Variants in SVIL observed in about 807,000 individuals in gnomAD.
SVIL encodes the protein archvillin.
In SVIL, 101 loss-of-function variants were observed where a neutral mutation model predicts 240.4. That is an observed-to-expected ratio of 0.42 (90% confidence interval 0.36 to 0.50). The LOEUF (loss-of-function observed/expected upper bound fraction) is 0.50, where lower values mean the gene tolerates loss of function less well. Ranked by LOEUF, SVIL falls within the 20% of genes least tolerant of loss-of-function variation. The pLI, the probability that SVIL is intolerant of heterozygous loss-of-function variation, is 0.01. For missense variants in SVIL, 2,512 were observed against 2,818.7 expected (o/e 0.89, Z 2.46); for synonymous variants, 999 against 1,100.0 (o/e 0.91, Z 1.82).
chr10:29,623,614 G>A (rs1035737642), intron 1 of SVIL, among the ~76,000 whole-genome samples: 28 of 152,190 alleles, frequency 1.8e-4, no homozygotes, highest in African/African-American at 6.5e-4. Flanking sequence ...ACTTTAGGAG[G>A]CCAAGGCGGG....
intron 1 of SVIL, among the ~76,000 whole-genome samples, chr10:29,724,995 C>T (rs1964207056): frequency 7.0e-6 from 1 of 143,210 alleles, no homozygotes; most frequent in Non-Finnish European, 1.5e-5. Context: ...TGTCACTGCA[C>T]TCCAGCCTGG....
At chr10:29,614,103 CAACAG>C (rs752849219) in intron 1 of SVIL, among the ~76,000 whole-genome samples, 9 of 152,050 alleles carry the variant, frequency 5.9e-5, no homozygotes, top group Non-Finnish European at 1.2e-4. Flanking sequence ...AACTATACCA[CAACAG>C]AACCTTTTAA....
At position 29,523,922 on chromosome 10, in the gene SVIL, G is replaced by C; in HGVS notation, c.2692C>G (p.Pro898Ala). 6.2e-7 allele frequency: 1 copy of C among 1,614,178 alleles called. No homozygotes were observed. The highest frequency in any genetic ancestry group is 1.1e-5 in the South Asian group (1 of 91,086). The change falls in exon 15 of 38, where the codon CCA becomes GCA. Residue 898 changes from proline (P) to alanine (A), a missense_variant. Pro to Ala is a conservative substitution (Grantham distance 27, BLOSUM62 -1). Coordinates refer to ENST00000355867, the MANE Select transcript of SVIL (RefSeq NM_021738.3). ...PMYAGDLRTK[P>A]PLDHNASATD... ...GCACTTGCATTGTGGTCAAGAGGTG[G>C]CTTTGTGCGAAGATCTCCGGCATAC...
rs1266415932 is a variant in SVIL, at chr10:29,481,546, A to G, written c.5100+38T>C. 3 of 1,611,658 alleles carry G rather than the reference A, an allele frequency of 1.9e-6. No homozygotes were observed. The South Asian group carries it at 3.3e-5, about 18-fold the overall frequency. On this transcript the variant is annotated intron_variant, in intron 28 of 37. Coordinates refer to ENST00000355867, the MANE Select transcript of SVIL (RefSeq NM_021738.3). ...GAAGGCCACTTTTATTGGGACCCGAACCAAGCCCCGAGTTTTGAGGCTTGG... is the reference window on the plus strand; with the variant it reads ...GAAGGCCACTTTTATTGGGACCCGAGCCAAGCCCCGAGTTTTGAGGCTTGG...
chr10:29,606,966 G>A (rs553038977), intron 1 of SVIL, among the ~76,000 whole-genome samples: 2 of 152,236 alleles, frequency 1.3e-5, no homozygotes, highest in East Asian at 1.9e-4. Context: ...CGCTGGCCAG[G>A]CTGGCCTCAA....
At chr10:29,613,885 A>C (rs944862274) in intron 1 of SVIL, among the ~76,000 whole-genome samples, 5 of 152,220 alleles carry the variant, frequency 3.3e-5, no homozygotes, top group Non-Finnish European at 7.3e-5. Context: ...ATCACCTTAC[A>C]TATGAATTCC....
At chr10:29,629,339 C>T (rs1251656198) in intron 1 of SVIL, among the ~76,000 whole-genome samples, 1 of 152,112 alleles carries the variant, frequency 6.6e-6, no homozygotes, top group Admixed American at 6.5e-5. Context: ...TGGTTGCTTC[C>T]ATCTCAGGCA....
At chr10:29,587,535 A>G (rs1956219902) in intron 1 of SVIL, among the ~76,000 whole-genome samples, 1 of 152,220 alleles carries the variant, frequency 6.6e-6, no homozygotes, top group Non-Finnish European at 1.5e-5. Flanking sequence ...TTTACATAAT[A>G]ATAGAAACTT....
rs149785601 is a variant in SVIL, at chr10:29,485,968, A to G, written c.4779+117T>C. On this transcript the variant is annotated intron_variant, in intron 26 of 37. Transcript: ENST00000355867. ...TTTAAAAAGCTGTAAATGTTCTACA[A>G]TGGATACCGACACTGGCTAACCTTT... is the stretch of plus-strand genomic sequence containing the variant. 1.5e-3 allele frequency: 1,793 copies of G among 1,178,792 alleles called. 27 individuals are homozygous for G. The African/African-American group carries it at 0.023, about 15-fold the overall frequency. 73.0% of individuals were successfully genotyped at this position (1,178,792 alleles called of 1,614,324 possible). A position where few individuals can be genotyped will look rare whatever the true frequency, so the allele number is the denominator to read the frequency against.
At chr10:29,668,790 T>G (rs1959535308) in intron 2 of SVIL, among the ~76,000 whole-genome samples, 1 of 152,176 alleles carries the variant, frequency 6.6e-6, no homozygotes, top group Admixed American at 6.5e-5. Context: ...AAGATAAATC[T>G]TGACCGTCAA....
rs919675716 is a variant in SVIL, at chr10:29,471,112, G to A, written c.5635+26C>T. 13 of 1,595,014 alleles carry A rather than the reference G, an allele frequency of 8.2e-6. No homozygotes were observed. In the African/African-American group the frequency reaches 1.2e-4, roughly 15 times the overall value. Reference sequence around the variant, plus strand: ...TTCCAAGAGAGGGAAAGGCAAAGTCGAATTCCAGCAGTAAAAGTGACTTAC... The same window carrying A: ...TTCCAAGAGAGGGAAAGGCAAAGTCAAATTCCAGCAGTAAAAGTGACTTAC... On this transcript the variant is annotated intron_variant, in intron 31 of 37. Coordinates refer to ENST00000355867, the MANE Select transcript of SVIL (RefSeq NM_021738.3).
intron 1 of SVIL, among the ~76,000 whole-genome samples, chr10:29,632,779 A>G (rs1958150112): frequency 6.6e-6 from 1 of 152,230 alleles, no homozygotes; most frequent in Non-Finnish European, 1.5e-5. Flanking sequence ...CTAATGTACT[A>G]CAATAGCTTG....
intron 16 of SVIL, among the ~76,000 whole-genome samples, chr10:29,521,779 C>T (rs915601736): frequency 6.6e-6 from 1 of 152,168 alleles, no homozygotes; most frequent in East Asian, 1.9e-4. Flanking sequence ...TAAATATATT[C>T]CTCTGCACCC....
chr10:29,731,232 C>CCAA, intron 1 of SVIL, among the ~76,000 whole-genome samples: 1 of 152,298 alleles, frequency 6.6e-6, no homozygotes, highest in South Asian at 2.1e-4. Flanking sequence ...AGGGCTGGGC[C>CCAA]CAACCCTTAT....
chr10:29,604,020 TC>T (rs960074760), intron 1 of SVIL, among the ~76,000 whole-genome samples: 3 of 152,148 alleles, frequency 2.0e-5, no homozygotes, highest in African/African-American at 7.2e-5. Flanking sequence ...TCCGCCCCCT[TC>T]CCCATTTCTG....
At chr10:29,518,693 T>C (rs2132514997) in intron 16 of SVIL, among the ~76,000 whole-genome samples, 1 of 152,208 alleles carries the variant, frequency 6.6e-6, no homozygotes, top group African/African-American at 2.4e-5. Context: ...CCGCCTCTAC[T>C]AAAAATGCAA....
At chr10:29,520,355 CTT>C (rs918365634) in intron 16 of SVIL, among the ~76,000 whole-genome samples, 4 of 152,306 alleles carry the variant, frequency 2.6e-5, no homozygotes, top group African/African-American at 7.2e-5. Context: ...ATGAAACTCT[CTT>C]TGAGCCCCAT....
intron 2 of SVIL, among the ~76,000 whole-genome samples, chr10:29,660,789 C>T (rs146841739): frequency 1.3e-5 from 2 of 152,334 alleles, no homozygotes; most frequent in East Asian, 1.9e-4. Flanking sequence ...GCACAGCAAT[C>T]GCCTTGGGGC....
rs1011537943 is a variant in SVIL at position 29,580,389 on chromosome 10, T to C, written c.-200-11077A>G. ...TAATAAAGGCAAAACAGCCATTCCCTGGCCAGCCACAACAAAATCAAAGAG... is the reference window on the plus strand; with the variant it reads ...TAATAAAGGCAAAACAGCCATTCCCCGGCCAGCCACAACAAAATCAAAGAG... On this transcript the variant is annotated intron_variant, in intron 1 of 37. Coordinates refer to ENST00000355867, the MANE Select transcript of SVIL (RefSeq NM_021738.3). Among the ~76,000 whole-genome samples the C allele has an allele frequency of 1.1e-4, 17 of 152,054 alleles. No individual in the cohort carries two copies. The South Asian group carries it at 1.2e-3, about 11-fold the overall frequency.
Sources: gnomAD v4.1 joint callset for allele counts (sites outside exome capture counted in the v4.1 genomes callset) on GRCh38, gnomAD v4.1.1 for gene constraint, MANE v1.5 for transcripts, NCBI Gene and HGNC (gene_info 2026-07-23, HGNC 2026-07-21) for gene names.